The following DOCK2 variants were observed in gnomAD, a reference collection of about 807,000 sequenced individuals.
DOCK2 encodes the protein dedicator of cytokinesis protein 2.
In DOCK2, 87 loss-of-function variants were observed where a neutral mutation model predicts 248.9. That is an observed-to-expected ratio of 0.35 (90% CI 0.29 to 0.42). The LOEUF is 0.42. Ranked by LOEUF, DOCK2 falls within the 10% of genes least tolerant of loss-of-function variation. The probability of loss-of-function intolerance (pLI) is 1.00; values close to 1 mark genes in which losing one functional copy is unlikely to be tolerated. For missense variants in DOCK2, 1,747 were observed against 2,300.2 expected (o/e 0.76, Z 4.92); for synonymous variants, 805 against 821.6 (o/e 0.98, Z 0.35).
chr5:169,906,183 GC>G lies in DOCK2; in HGVS notation c.2799+65334del, dbSNP rs1369207577. Among the ~76,000 whole-genome samples the G allele has an allele frequency of 2.0e-5, 3 of 152,150 alleles. No homozygotes were observed. In the East Asian group the frequency reaches 5.8e-4, roughly 29 times the overall value. ...GCGATTACTACATGCCAGGCATTGT[GC>G]CCGGGGCCGTGGATAGTCAGAAAGT... is the stretch of plus-strand genomic sequence containing the variant. On this transcript the variant is annotated intron_variant, in intron 27 of 51. Transcript: ENST00000520908.
At chr5:169,799,948 G>C (rs1766868025) in intron 25 of DOCK2, among the ~76,000 whole-genome samples, 1 of 152,020 alleles carries the variant, frequency 6.6e-6, no homozygotes, top group Admixed American at 6.6e-5. Flanking sequence ...GGGACTACAG[G>C]CATCCATCAC....
At chr5:170,021,226 CT>C in intron 33 of DOCK2, among the ~76,000 whole-genome samples, 1 of 152,170 alleles carries the variant, frequency 6.6e-6, no homozygotes, top group East Asian at 1.9e-4. Context: ...AAGGTGAAAG[CT>C]TGGATTGAGT....
chr5:169,949,447 C>A (rs1022646377), intron 27 of DOCK2, among the ~76,000 whole-genome samples: 26 of 152,116 alleles, frequency 1.7e-4, no homozygotes, highest in African/African-American at 6.3e-4. Context: ...CCCATTAGCC[C>A]AGTTTGGCTG....
chr5:170,034,728 C>T (rs1180782625), intron 35 of DOCK2, among the ~76,000 whole-genome samples, 173 bp downstream of exon 35: 1 of 152,152 alleles, frequency 6.6e-6, no homozygotes, highest in East Asian at 1.9e-4. Context: ...TGTCTTGAGG[C>T]CGTCACTTCA....
intron 32 of DOCK2, among the ~76,000 whole-genome samples, chr5:170,016,194 A>G (rs1409814091): frequency 6.6e-6 from 1 of 152,188 alleles, no homozygotes; most frequent in Non-Finnish European, 1.5e-5. Flanking sequence ...TTGGCACTTT[A>G]ATAGCCTTTT....
intron 22 of DOCK2, among the ~76,000 whole-genome samples, chr5:169,728,837 C>T (rs911209802): frequency 3.9e-5 from 6 of 152,166 alleles, no homozygotes; most frequent in Non-Finnish European, 8.8e-5. Context: ...CATAGCAAAG[C>T]GTAAGACACT....
intron 27 of DOCK2, chr5:169,875,162 T>C: frequency 2.2e-6 from 1 of 454,944 alleles, no homozygotes; most frequent in Non-Finnish European, 4.4e-6. Flanking sequence ...AAGTATCTTC[T>C]TTCAAGACCC....
intron 1 of DOCK2, among the ~76,000 whole-genome samples, chr5:169,639,592 G>T (rs1261592119): frequency 2.0e-5 from 3 of 152,178 alleles, no homozygotes; most frequent in African/African-American, 7.2e-5. Context: ...CGGTGATCAG[G>T]TCCACCTTCC....
At chr5:169,714,281 T>C (rs776713575) in intron 18 of DOCK2, 70 bp downstream of exon 18, 115 of 1,609,508 alleles carry the variant, frequency 7.1e-5, no homozygotes, top group Admixed American at 4.2e-4. Context: ...TGTGTGTATG[T>C]GCTTGCAGAC....
chr5:169,948,239 A>G (rs893851919), intron 27 of DOCK2, among the ~76,000 whole-genome samples: 2 of 152,232 alleles, frequency 1.3e-5, no homozygotes, highest in African/African-American at 4.8e-5. Context: ...AACAGTGCAG[A>G]TGAAGGCCCT....
chr5:169,847,549 T>A (rs1581278463), intron 27 of DOCK2, among the ~76,000 whole-genome samples: 1 of 152,304 alleles, frequency 6.6e-6, no homozygotes, highest in South Asian at 2.1e-4. Flanking sequence ...TTATGCCAAT[T>A]TAATCTCTCT....
At chr5:169,975,763 C>T (rs1777694552) in intron 27 of DOCK2, among the ~76,000 whole-genome samples, 1 of 152,238 alleles carries the variant, frequency 6.6e-6, no homozygotes, top group East Asian at 1.9e-4. Flanking sequence ...TATATATTTC[C>T]TTGTTTAAAG....
chr5:169,865,174 C>T (rs764242589), intron 27 of DOCK2, among the ~76,000 whole-genome samples: 8 of 152,200 alleles, frequency 5.3e-5, no homozygotes, highest in Non-Finnish European at 1.0e-4. Flanking sequence ...CATTCCCAAC[C>T]TCTTTTTCGT....
intron 48 of DOCK2, 79 bp downstream of exon 48, chr5:170,077,916 G>T: frequency 8.4e-7 from 1 of 1,195,434 alleles, no homozygotes; most frequent in Admixed American, 2.0e-5. Flanking sequence ...CTCTTCTCCG[G>T]CAACATCCCT....
chr5:169,826,656 G>C (rs1318697635), intron 26 of DOCK2, among the ~76,000 whole-genome samples: 1 of 152,186 alleles, frequency 6.6e-6, no homozygotes, highest in Non-Finnish European at 1.5e-5. Flanking sequence ...CAGTTTCAAG[G>C]AAAGGGGTTG....
intron 27 of DOCK2, among the ~76,000 whole-genome samples, chr5:169,919,011 G>A (rs1168297093): frequency 1.3e-5 from 2 of 152,218 alleles, no homozygotes; most frequent in South Asian, 2.1e-4. Context: ...CAAGGGTTAT[G>A]TTGGATAGAA....
At chr5:169,779,219 G>C (rs1024067067) in intron 25 of DOCK2, 2 of 152,260 alleles carry the variant, frequency 1.3e-5, no homozygotes, top group South Asian at 4.1e-4. Flanking sequence ...AGAGGAAGTG[G>C]CTCTTCTAAG....
At chr5:169,987,591 CAT>C (rs1242348854) in intron 29 of DOCK2, among the ~76,000 whole-genome samples, 1 of 152,194 alleles carries the variant, frequency 6.6e-6, no homozygotes, top group African/African-American at 2.4e-5. Context: ...CTGGAAGAAA[CAT>C]GTGCTGGGTC....
intron 22 of DOCK2, among the ~76,000 whole-genome samples, chr5:169,726,278 A>ATG (rs1762469894): frequency 6.6e-6 from 1 of 151,918 alleles, no homozygotes; most frequent in Non-Finnish European, 1.5e-5. Context: ...CATTTTTTTC[A>ATG]TGTTTGTTGG....
Sources: gnomAD v4.1 joint callset for allele counts (sites outside exome capture counted in the v4.1 genomes callset) on GRCh38, gnomAD v4.1.1 for gene constraint, MANE v1.5 for transcripts, NCBI Gene and HGNC (gene_info 2026-07-23, HGNC 2026-07-21) for gene names.